TCF4: variants seen among roughly 807,000 people sequenced by gnomAD.
The protein encoded by TCF4 is SL3-3 enhancer factor 2.
TCF4 carries 3 observed loss-of-function variants against 82.1 expected under a neutral mutation model. The ratio of observed to expected loss-of-function variants is 0.04; its 90% confidence interval spans 0.02 to 0.09. TCF4 has a LOEUF of 0.09. TCF4 is among the 10% of genes least tolerant of loss of function. The pLI is 1.00. For missense variants in TCF4, 518 were observed against 852.7 expected (o/e 0.61, Z 4.89); for synonymous variants, 276 against 309.6 (o/e 0.89, Z 1.14).
At chr18:55,381,910 G>GTT (rs770720823) in intron 6 of TCF4, among the ~76,000 whole-genome samples, 2 of 143,608 alleles carry the variant, frequency 1.4e-5, no homozygotes, top group Non-Finnish European at 3.1e-5. Flanking sequence ...CTCTAGAAGG[G>GTT]TTTTTTTTTT....
intron 2 of TCF4, among the ~76,000 whole-genome samples, chr18:55,607,122 A>C (rs1603625332): frequency 6.6e-6 from 1 of 152,314 alleles, no homozygotes; most frequent in East Asian, 1.9e-4. Context: ...GATAAAAGTT[A>C]CGTTCAGATT....
intron 3 of TCF4, among the ~76,000 whole-genome samples, chr18:55,472,484 G>C (rs560967601): frequency 6.6e-6 from 1 of 152,158 alleles, no homozygotes; most frequent in Non-Finnish European, 1.5e-5. Context: ...GGACTGGCTA[G>C]CTGGGGTCTT....
At chr18:55,322,354 G>A in intron 8 of TCF4, 1 of 1,009,166 alleles carries the variant, frequency 9.9e-7, no homozygotes, top group Non-Finnish European at 1.2e-6. Flanking sequence ...TCTGCTGCTG[G>A]CTAGCTCCCA....
chr18:55,235,745 ACACAGG>A (rs1568354287), intron 15 of TCF4, among the ~76,000 whole-genome samples: 1 of 152,206 alleles, frequency 6.6e-6, no homozygotes, highest in African/African-American at 2.4e-5. Context: ...GTGAGCATTT[ACACAGG>A]ACGGTGGGTC....
chr18:55,321,766 A>T (rs1036076195), intron 8 of TCF4: 49 of 1,525,132 alleles, frequency 3.2e-5, no homozygotes, highest in Non-Finnish European at 4.0e-5. Context: ...TCTCCTCAGT[A>T]CCACTCTAAC....
At chr18:55,239,011 C>T (rs148232977) in intron 15 of TCF4, among the ~76,000 whole-genome samples, 4 of 152,250 alleles carry the variant, frequency 2.6e-5, no homozygotes, top group East Asian at 1.9e-4. Context: ...TGGCCTGTCC[C>T]GTCCACATAT....
rs998569158 is a variant in TCF4, at chr18:55,370,393, G to C, written c.370-19390C>G. Among the ~76,000 whole-genome samples, 10 of 151,748 alleles carry C rather than the reference G, an allele frequency of 6.6e-5. No homozygotes were observed. The East Asian group carries it at 1.8e-3, about 27-fold the overall frequency. ...TGCTCCAGCCTGGGCTCAGTACATA[G>C]GTAGGTAGGTAGGTATGTAGATAGA... On this transcript the variant is annotated intron_variant, in intron 6 of 19. Transcript: ENST00000354452.
chr18:55,589,341 CTT>C, upstream of TCF4: 1 of 1,052,630 alleles, frequency 9.5e-7, no homozygotes, highest in Non-Finnish European at 1.1e-6. Flanking sequence ...AGGAAAGAGA[CTT>C]TAAAAAGAGA....
intron 15 of TCF4, among the ~76,000 whole-genome samples, chr18:55,245,868 G>C (rs1316316905): frequency 6.6e-6 from 1 of 151,062 alleles, no homozygotes; most frequent in Admixed American, 6.6e-5. Context: ...AGGATAAAAG[G>C]CCTGTAAGAT....
At chr18:55,276,024 C>T (rs571434802) in intron 9 of TCF4, among the ~76,000 whole-genome samples, 2 of 152,164 alleles carry the variant, frequency 1.3e-5, no homozygotes, top group South Asian at 2.1e-4. Context: ...TATGTCAAGT[C>T]GCAAGGTAAT....
In TCF4 at chr18:55,387,349, T is replaced by C. The variant is rs1435370513; in HGVS notation, c.369+16105A>G. ...TTATCAGTCCTCTGGGGGCTGAAGA[T>C]AGTCAAGGCTCTCTCTAGTTTCATC... On this transcript the variant is annotated intron_variant, in intron 6 of 19. Transcript: ENST00000354452. Among the ~76,000 whole-genome samples, 3 of 152,224 alleles carry C rather than the reference T, an allele frequency of 2.0e-5. No individual in the cohort carries two copies. The South Asian group carries it at 6.2e-4, about 32-fold the overall frequency.
At chr18:55,231,968 GA>G (rs2048046522) in intron 17 of TCF4, 1 of 152,726 alleles carries the variant, frequency 6.5e-6, no homozygotes. Flanking sequence ...AGATATTTAA[GA>G]AAACCAGACA....
chr18:55,354,079 T>C (rs1207613483), intron 6 of TCF4, among the ~76,000 whole-genome samples: 2 of 152,182 alleles, frequency 1.3e-5, no homozygotes, highest in Admixed American at 6.5e-5. Flanking sequence ...CTTAAACCCA[T>C]AGTTTAGCAT....
intron 8 of TCF4, chr18:55,322,246 T>C: frequency 9.5e-7 from 1 of 1,057,974 alleles, no homozygotes; most frequent in Non-Finnish European, 1.1e-6. Flanking sequence ...TCCCCCTCTC[T>C]CTCTCTCCCT....
chr18:55,634,637 G>T (rs894865412), intron 1 of TCF4, among the ~76,000 whole-genome samples: 1 of 152,106 alleles, frequency 6.6e-6, no homozygotes, highest in Admixed American at 6.5e-5. Context: ...GATGGGTTTT[G>T]AGCAATAAGT....
intron 8 of TCF4, among the ~76,000 whole-genome samples, chr18:55,279,884 T>A (rs368827485): frequency 6.6e-6 from 1 of 152,320 alleles, no homozygotes; most frequent in African/African-American, 2.4e-5. Flanking sequence ...AGGTGTGTTA[T>A]ATTCCAGTTG....
chr18:55,402,249 G>A, intron 6 of TCF4: 1 of 984,922 alleles, frequency 1.0e-6, no homozygotes, highest in Non-Finnish European at 1.2e-6. Context: ...CTTTAAAAAT[G>A]CAAATATATA....
At chr18:55,483,960 C>A (rs1284465787) in intron 3 of TCF4, among the ~76,000 whole-genome samples, 2 of 152,222 alleles carry the variant, frequency 1.3e-5, no homozygotes, top group Non-Finnish European at 2.9e-5. Flanking sequence ...AAAGCACTTT[C>A]GTGCACAGTA....
intron 8 of TCF4, among the ~76,000 whole-genome samples, chr18:55,345,631 A>T (rs1472264291): frequency 6.6e-6 from 1 of 152,164 alleles, no homozygotes; most frequent in Admixed American, 6.5e-5. Flanking sequence ...ACACTTAACA[A>T]TTATACTTCT....
Sources: gnomAD v4.1 joint callset for allele counts (sites outside exome capture counted in the v4.1 genomes callset) on GRCh38, gnomAD v4.1.1 for gene constraint, MANE v1.5 for transcripts, NCBI Gene and HGNC (gene_info 2026-07-23, HGNC 2026-07-21) for gene names.